The following KIF13A variants were observed in gnomAD, a reference collection of about 807,000 sequenced individuals.
The protein encoded by KIF13A is kinesin-like protein KIF13A.
Under a neutral mutation model 212.2 loss-of-function variants are expected in KIF13A, and 79 were observed. The observed-to-expected ratio is 0.37, with a 90% CI of 0.31 to 0.45. The LOEUF is 0.45. KIF13A is among the 20% of genes least tolerant of loss of function. The pLI is 1.00. For missense variants in KIF13A, 1,901 were observed against 2,209.0 expected (o/e 0.86, Z 2.79); for synonymous variants, 789 against 808.6 (o/e 0.98, Z 0.41).
In KIF13A at chr6:17,783,035, A is replaced by G. The variant is rs1388412238; in HGVS notation, c.3544+611T>C. Among the ~76,000 whole-genome samples, 2 of 152,194 alleles carry G rather than the reference A, an allele frequency of 1.3e-5. No homozygotes were observed. Among genetic ancestry groups the G allele is most frequent in the African/African-American group, 4.8e-5 (2 of 41,434 alleles). On this transcript the variant is annotated intron_variant, in intron 29 of 38. Coordinates refer to ENST00000259711, the MANE Select transcript of KIF13A (RefSeq NM_022113.6). This position sits in a 1 kb window ranked among gnomAD's most constrained non-coding sequence, Gnocchi z 4.3. ...CCATTATTTTGGGCTTCCTTCTAGA[A>G]CAGAGGTTTTCAGGCTGTGTTTTGA...
intron 4 of KIF13A, among the ~76,000 whole-genome samples, chr6:17,870,424 T>C (rs940564196): frequency 6.6e-6 from 1 of 152,058 alleles, no homozygotes; most frequent in Admixed American, 6.6e-5. Flanking sequence ...AATTTTATCA[T>C]CTGTATGTAA....
chr6:17,887,948 C>T (rs192968431), intron 3 of KIF13A, among the ~76,000 whole-genome samples: 63 of 151,698 alleles, frequency 4.2e-4, no homozygotes, highest in African/African-American at 9.7e-4. Flanking sequence ...TCAGGTGATC[C>T]GTCTGCCTCA....
chr6:17,913,308 T>C (rs576320445), intron 2 of KIF13A, among the ~76,000 whole-genome samples: 1 of 152,242 alleles, frequency 6.6e-6, no homozygotes, highest in Admixed American at 6.5e-5. Context: ...TTTTCAGAAT[T>C]CGTGGATACT....
At chr6:17,965,156 T>C (rs1186138839) in intron 2 of KIF13A, among the ~76,000 whole-genome samples, 1 of 152,104 alleles carries the variant, frequency 6.6e-6, no homozygotes, top group South Asian at 2.1e-4. Context: ...AGGAAACACA[T>C]GTGTCCCAAA....
intron 2 of KIF13A, among the ~76,000 whole-genome samples, chr6:17,917,371 G>T (rs532355146): frequency 3.3e-4 from 50 of 151,222 alleles, no homozygotes; most frequent in African/African-American, 1.1e-3. Context: ...CTCCCGAGAA[G>T]CTGGGATTAC....
At chr6:17,813,296 A>G (rs957112409) in intron 17 of KIF13A, among the ~76,000 whole-genome samples, 6 of 152,166 alleles carry the variant, frequency 3.9e-5, no homozygotes, top group Non-Finnish European at 7.3e-5. Flanking sequence ...CCTGGCCAAC[A>G]TGGTGAAACC....
At chr6:17,841,435 T>C (rs1766498308) in intron 9 of KIF13A, among the ~76,000 whole-genome samples, 1 of 152,360 alleles carries the variant, frequency 6.6e-6, no homozygotes, top group African/African-American at 2.4e-5. Context: ...GCAAGATGCA[T>C]ATGCTAATAA....
At chr6:17,907,034 A>G (rs892535015) in intron 2 of KIF13A, among the ~76,000 whole-genome samples, 5 of 152,226 alleles carry the variant, frequency 3.3e-5, no homozygotes, top group Admixed American at 2.6e-4. Context: ...CTGGTCATAT[A>G]GTATATGTCT....
intron 30 of KIF13A, 72 bp downstream of exon 30, chr6:17,781,105 G>T: frequency 6.3e-7 from 1 of 1,579,676 alleles, no homozygotes; most frequent in Non-Finnish European, 8.7e-7. Flanking sequence ...AACCATAGCA[G>T]TTTAGTGAGC....
intron 2 of KIF13A, among the ~76,000 whole-genome samples, chr6:17,958,864 CTTTT>C (rs201851754): frequency 8.3e-6 from 1 of 120,912 alleles, no homozygotes; most frequent in Non-Finnish European, 1.7e-5. Context: ...ATTTGTGTGT[CTTTT>C]TCTTTTTCTT....
In KIF13A at chr6:17,826,273, A is replaced by G; in HGVS notation, c.1533-149T>C. 1 of 636,078 alleles carries G rather than the reference A, an allele frequency of 1.6e-6. No homozygotes were observed. Among genetic ancestry groups the G allele is most frequent in the East Asian group, 2.7e-5 (1 of 36,632 alleles). 39.4% of individuals were successfully genotyped at this position (636,078 alleles called of 1,614,324 possible). A position where few individuals can be genotyped will look rare whatever the true frequency, so the allele number is the denominator to read the frequency against. On this transcript the variant is annotated intron_variant, in intron 14 of 38. Coordinates refer to ENST00000259711, the MANE Select transcript of KIF13A (RefSeq NM_022113.6). This position sits in a 1 kb window ranked among gnomAD's most constrained non-coding sequence, Gnocchi z 4.7. ...AGGAAGAGCAGAATGTGTAACCACT[A>G]TGAAAACACACAATCTAAGCCATGA...
intron 2 of KIF13A, among the ~76,000 whole-genome samples, chr6:17,922,078 CT>C (rs1006414401): frequency 6.6e-6 from 1 of 152,140 alleles, no homozygotes; most frequent in Non-Finnish European, 1.5e-5. Flanking sequence ...TCCAATTTAA[CT>C]TATTTCAAGT....
In KIF13A at chr6:17,811,854, T is replaced by TCG. The variant is rs1245087489; in HGVS notation, c.2001-2925_2001-2924insCG. Among the ~76,000 whole-genome samples, 3 of 151,678 alleles carry TCG rather than the reference T, an allele frequency of 2.0e-5. No homozygotes were observed. The East Asian group carries it at 5.8e-4, about 29-fold the overall frequency. On this transcript the variant is annotated intron_variant, in intron 17 of 38. Coordinates refer to ENST00000259711, the MANE Select transcript of KIF13A (RefSeq NM_022113.6). The surrounding 1 kb of genome is among the most constrained non-coding windows in gnomAD (Gnocchi z 6.0). ...CCCTTTTTCTTTCTTTCCTTCTCTC[T>TCG]CTCTCTTTTTCTTGGAGATAGGGTC...
rs3076205 is a variant in KIF13A at position 17,779,257 on chromosome 6, ATTTTTTTTTTTTT to A, written c.3940-171_3940-159del. Among the ~76,000 whole-genome samples, 50 of 37,838 alleles carry A rather than the reference ATTTTTTTTTTTTT, an allele frequency of 1.3e-3. 1 individual carries two copies. The highest frequency in any genetic ancestry group is 3.7e-4 in the Admixed American group (1 of 2,734). 24.8% of individuals were successfully genotyped at this position (37,838 alleles called of 152,430 possible). A position where few individuals can be genotyped will look rare whatever the true frequency, so the allele number is the denominator to read the frequency against. On this transcript the variant is annotated intron_variant, in intron 32 of 38. Coordinates refer to ENST00000259711, the MANE Select transcript of KIF13A (RefSeq NM_022113.6). ...GTAGCATATATATATATATATATAT[ATTTTTTTTTTTTT>A]TTTTTTTTTTTTTTTTTTGAGACAG...
chr6:17,772,290 T>A lies in KIF13A; in HGVS notation c.4325-231A>T, dbSNP rs1419382957. 6.6e-6 allele frequency among the ~76,000 whole-genome samples: 1 copy of A among 152,090 alleles called. No individual in the cohort carries two copies. The highest frequency in any genetic ancestry group is 1.5e-5 in the Non-Finnish European group (1 of 68,022). Reference sequence around the variant, plus strand: ...CAGGCATGGTGGTGTCTACTTGTTGTACTTGCTACTCAGGAGGCTGAGGCG... The same window carrying A: ...CAGGCATGGTGGTGTCTACTTGTTGAACTTGCTACTCAGGAGGCTGAGGCG... On this transcript the variant is annotated intron_variant, in intron 36 of 38. Transcript: ENST00000259711. This position sits in a 1 kb window ranked among gnomAD's most constrained non-coding sequence, Gnocchi z 4.8.
Position 17,785,433 on chromosome 6 carries a change from C to T in KIF13A, c.3488+82G>A, listed in dbSNP as rs1220025022. The T allele has an allele frequency of 1.4e-6, 2 of 1,394,902 alleles. No individual in the cohort carries two copies. The highest frequency in any genetic ancestry group is 1.9e-6 in the Non-Finnish European group (2 of 1,062,980). 86.4% of individuals were successfully genotyped at this position (1,394,902 alleles called of 1,614,324 possible). A position where few individuals can be genotyped will look rare whatever the true frequency, so the allele number is the denominator to read the frequency against. On this transcript the variant is annotated intron_variant, in intron 28 of 38. Coordinates refer to ENST00000259711, the MANE Select transcript of KIF13A (RefSeq NM_022113.6). The surrounding 1 kb of genome is among the most constrained non-coding windows in gnomAD (Gnocchi z 5.8). ...CTGGTTGGCATTTTCTGTGACAATCCTGGAAAGTCTCTTGCATGGCTCTTG... is the reference window on the plus strand; with the variant it reads ...CTGGTTGGCATTTTCTGTGACAATCTTGGAAAGTCTCTTGCATGGCTCTTG...
intron 2 of KIF13A, chr6:17,950,543 T>G (rs1777758429): frequency 1.0e-6 from 1 of 985,234 alleles, no homozygotes; most frequent in Non-Finnish European, 1.2e-6. Flanking sequence ...ATTCCTTTCT[T>G]ATACCCCATT....
intron 3 of KIF13A, among the ~76,000 whole-genome samples, chr6:17,890,485 A>G (rs559818097): frequency 6.6e-6 from 1 of 152,236 alleles, no homozygotes; most frequent in South Asian, 2.1e-4. Flanking sequence ...ACTTCCCTGT[A>G]CCTATCAATA....
At chr6:17,797,860 T>C (rs1164117890) in intron 22 of KIF13A, among the ~76,000 whole-genome samples, 2 of 152,138 alleles carry the variant, frequency 1.3e-5, no homozygotes, top group Non-Finnish European at 2.9e-5. Context: ...ATTGTGCCAC[T>C]GCATTCCAGC....
Sources: gnomAD v4.1 joint callset for allele counts (sites outside exome capture counted in the v4.1 genomes callset) on GRCh38, gnomAD v4.1.1 for gene constraint, Gnocchi (gnomAD v3.1) non-coding constraint, MANE v1.5 for transcripts, NCBI Gene and HGNC (gene_info 2026-07-23, HGNC 2026-07-21) for gene names.